JMJD1C: variants seen among roughly 807,000 people sequenced by gnomAD.
JMJD1C encodes jumonji domain-containing protein 1C.
In JMJD1C, 31 loss-of-function variants were observed where a neutral mutation model predicts 245.3. That is an observed-to-expected ratio of 0.13 (90% CI 0.09 to 0.17). JMJD1C has a LOEUF of 0.17. JMJD1C is among the 10% of genes least tolerant of loss of function. JMJD1C has a pLI of 1.00. For missense variants in JMJD1C, 2,691 were observed against 3,000.2 expected, an observed-to-expected ratio of 0.90 and a Z score of 2.41; for synonymous variants, 1,057 against 1,017.4, an observed-to-expected ratio of 1.04 and a Z score of -0.74.
chr10:63,277,684 T>C (rs1361994616), intron 2 of JMJD1C, among the ~76,000 whole-genome samples: 2 of 149,812 alleles, frequency 1.3e-5, no homozygotes, highest in East Asian at 3.9e-4. Flanking sequence ...AAAAAACAAA[T>C]TGACCAAGTA....
chr10:63,339,400 G>T (rs10995509), intron 2 of JMJD1C, among the ~76,000 whole-genome samples: 1 of 152,112 alleles, frequency 6.6e-6, no homozygotes, highest in Non-Finnish European at 1.5e-5. Context: ...GCATATACAC[G>T]GTATGAGAAA....
chr10:63,423,751 T>C (rs1950266707), intron 1 of JMJD1C, among the ~76,000 whole-genome samples: 1 of 152,242 alleles, frequency 6.6e-6, no homozygotes, highest in Non-Finnish European at 1.5e-5. Context: ...CCATTTTACG[T>C]TCCCATCATC....
intron 1 of JMJD1C, among the ~76,000 whole-genome samples, chr10:63,389,044 C>T (rs957063620): frequency 9.9e-5 from 15 of 152,058 alleles, no homozygotes; most frequent in African/African-American, 3.1e-4. Flanking sequence ...TCAATGGAGA[C>T]CAGGTGTGCT....
intron 13 of JMJD1C, among the ~76,000 whole-genome samples, chr10:63,196,300 TACA>T (rs1024101850): frequency 2.6e-5 from 4 of 151,832 alleles, no homozygotes; most frequent in African/African-American, 9.7e-5. Flanking sequence ...TCATCAACAA[TACA>T]ACAATTTACT....
rs143497198 is a variant in JMJD1C at position 63,300,046 on chromosome 10, G to C, written c.334-35282C>G. Among the ~76,000 whole-genome samples the C allele has an allele frequency of 2.0e-5, 3 of 151,944 alleles. No individual in the cohort carries two copies. In the East Asian group the frequency reaches 5.8e-4, roughly 29 times the overall value. On this transcript the variant is annotated intron_variant, in intron 2 of 25. Transcript: ENST00000399262. ...GTACAATTAGAACTGCTGATGATCT[G>C]TGTTTTCTAGAAAAACAGCTAAGTA... is the stretch of plus-strand genomic sequence containing the variant.
chr10:63,319,112 T>C (rs1163629916), intron 2 of JMJD1C, among the ~76,000 whole-genome samples: 1 of 151,740 alleles, frequency 6.6e-6, no homozygotes, highest in Non-Finnish European at 1.5e-5. Flanking sequence ...TACAAAAAAT[T>C]AGCCGGGTGT....
At chr10:63,399,079 T>A (rs948185655) in intron 1 of JMJD1C, among the ~76,000 whole-genome samples, 1 of 152,186 alleles carries the variant, frequency 6.6e-6, no homozygotes, top group African/African-American at 2.4e-5. Flanking sequence ...CCCTGAACAG[T>A]AAACAATAGA....
At chr10:63,484,823 A>G (rs991716847) in intron 1 of JMJD1C, among the ~76,000 whole-genome samples, 5 of 152,028 alleles carry the variant, frequency 3.3e-5, no homozygotes, top group African/African-American at 1.2e-4. Context: ...GCCAGACTCA[A>G]ATAGAAAATA....
intron 2 of JMJD1C, among the ~76,000 whole-genome samples, chr10:63,364,522 C>T (rs1223593804): frequency 6.6e-6 from 1 of 152,106 alleles, no homozygotes; most frequent in African/African-American, 2.4e-5. Flanking sequence ...TTTTTTGAGA[C>T]AGGCTCTCAC....
intron 1 of JMJD1C, among the ~76,000 whole-genome samples, chr10:63,388,759 A>C (rs1947822055): frequency 6.6e-6 from 1 of 152,224 alleles, no homozygotes; most frequent in Non-Finnish European, 1.5e-5. Context: ...ATGATTTAAA[A>C]TAATGGCACA....
intron 1 of JMJD1C, among the ~76,000 whole-genome samples, chr10:63,452,182 T>C (rs1035685594): frequency 2.0e-5 from 3 of 152,186 alleles, no homozygotes; most frequent in Non-Finnish European, 4.4e-5. Context: ...AATATATCTC[T>C]AATCATTTAG....
chr10:63,344,750 G>A (rs137927827), intron 2 of JMJD1C, among the ~76,000 whole-genome samples: 99 of 151,548 alleles, frequency 6.5e-4, no homozygotes, highest in African/African-American at 2.2e-3. Context: ...AAAAATAGAC[G>A]GTAAAAAAGT....
chr10:63,477,352 A>G (rs1335145432), intron 1 of JMJD1C, among the ~76,000 whole-genome samples: 2 of 151,580 alleles, frequency 1.3e-5, no homozygotes, highest in African/African-American at 4.8e-5. Flanking sequence ...AAGTCTTACT[A>G]TATAGCTGCA....
At chr10:63,513,764 T>C (rs1233667691) in intron 1 of JMJD1C, among the ~76,000 whole-genome samples, 1 of 151,848 alleles carries the variant, frequency 6.6e-6, no homozygotes, top group Admixed American at 6.6e-5. Context: ...TACAAAAAAA[T>C]TAGCCGGGCG....
chr10:63,451,361 C>T (rs900521036), intron 1 of JMJD1C, among the ~76,000 whole-genome samples: 3 of 152,172 alleles, frequency 2.0e-5, no homozygotes, highest in Non-Finnish European at 2.9e-5. Context: ...ACTCACACTT[C>T]CTGATTTCAA....
chr10:63,412,200 C>CTT (rs1949527712), intron 1 of JMJD1C, among the ~76,000 whole-genome samples: 1 of 152,088 alleles, frequency 6.6e-6, no homozygotes, highest in Non-Finnish European at 1.5e-5. Flanking sequence ...TGGTAATAGC[C>CTT]TACTGTTGAC....
intron 1 of JMJD1C, among the ~76,000 whole-genome samples, chr10:63,400,032 CTTA>C (rs1447418931): frequency 1.3e-5 from 2 of 152,018 alleles, no homozygotes; most frequent in African/African-American, 4.8e-5. Flanking sequence ...TGTTCTGTAT[CTTA>C]TTATTTTACT....
chr10:63,238,903 A>T (rs906155141), intron 3 of JMJD1C, among the ~76,000 whole-genome samples: 10 of 152,222 alleles, frequency 6.6e-5, no homozygotes, highest in African/African-American at 2.4e-4. Flanking sequence ...AAAGTTCCTG[A>T]CCTCAAGGAT....
Position 63,307,358 on chromosome 10 carries a change from G to A in JMJD1C, c.334-42594C>T, listed in dbSNP as rs117199015. Among the ~76,000 whole-genome samples the A allele has an allele frequency of 3.0e-4, 46 of 152,128 alleles. No homozygotes were observed. The East Asian group carries it at 6.2e-3, about 20-fold the overall frequency. ...ATATCACACATATTAAAAATAAGGCGGACAATTTAAAAGTAGGTTTAGGTT... is the reference window on the plus strand; with the variant it reads ...ATATCACACATATTAAAAATAAGGCAGACAATTTAAAAGTAGGTTTAGGTT... On this transcript the variant is annotated intron_variant, in intron 2 of 25. Coordinates refer to ENST00000399262, the MANE Select transcript of JMJD1C (RefSeq NM_032776.3).
Sources: allele counts gnomAD v4.1 joint callset (sites outside exome capture counted in the v4.1 genomes callset), GRCh38; gene constraint gnomAD v4.1.1; transcripts MANE v1.5; gene names NCBI Gene and HGNC (gene_info 2026-07-23, HGNC 2026-07-21).